The following WAC variants were observed in gnomAD, a reference collection of about 807,000 sequenced individuals.
The protein encoded by WAC is WW domain-containing adapter protein with coiled-coil.
Under a neutral mutation model 79.6 loss-of-function variants are expected in WAC, and 11 were observed. The observed-to-expected ratio is 0.14, with a 90% CI of 0.09 to 0.23. WAC has a LOEUF of 0.23. Among genes scored for constraint, WAC ranks in the 10% least tolerant of loss-of-function variants. The pLI, the probability that WAC is intolerant of heterozygous loss-of-function variation, is 1.00. For synonymous variants in WAC, 304 were observed against 276.9 expected (o/e 1.10, Z -0.97); for missense variants, 728 against 773.5 (o/e 0.94, Z 0.70).
rs1429241522 is a variant in WAC, at chr10:28,608,238, GTCT to G, written c.976_978del (p.Ser326del). The G allele has an allele frequency of 1.2e-6, 2 of 1,613,940 alleles. No homozygotes were observed. The highest frequency in any genetic ancestry group is 2.7e-5 in the African/African-American group (2 of 74,876). Reference sequence around the variant, plus strand: ...CACATTCTTGCACAACTCCTTCCACGTCTTCTGCCTCTGGACTGAACCCCACAT... The same window carrying G: ...CACATTCTTGCACAACTCCTTCCACGTCTGCCTCTGGACTGAACCCCACAT... On this transcript the variant is annotated inframe_deletion, in exon 8 of 14. Transcript: ENST00000354911.
rs571334293 is a variant in WAC at position 28,575,568 on chromosome 10, T to A, written c.275-7831T>A. ...TATTTCCCTGCAGGTTTGATTTGCA[T>A]TTCCCCAATGGCTAATGCCATTGTT... On this transcript the variant is annotated intron_variant, in intron 3 of 13. Transcript: ENST00000354911. 7.9e-5 allele frequency among the ~76,000 whole-genome samples: 12 copies of A among 152,386 alleles called. No individual in the cohort carries two copies. In the South Asian group the frequency reaches 2.5e-3, roughly 32 times the overall value.
intron 3 of WAC, among the ~76,000 whole-genome samples, chr10:28,565,206 C>T (rs181013877): frequency 9.9e-5 from 15 of 152,278 alleles, no homozygotes; most frequent in African/African-American, 2.6e-4. Flanking sequence ...TTTAACCATA[C>T]GCCATTGAAG....
At chr10:28,532,823 G>T (rs559202206), upstream of WAC, 6 of 152,988 alleles carry the variant, frequency 3.9e-5, no homozygotes, top group Non-Finnish European at 8.8e-5. Flanking sequence ...TCTTCCGGAA[G>T]GCGGCTCCCT....
intron 3 of WAC, among the ~76,000 whole-genome samples, chr10:28,539,115 A>T (rs1163856895): frequency 6.6e-6 from 1 of 152,184 alleles, no homozygotes; most frequent in Non-Finnish European, 1.5e-5. Context: ...TTACAAAGCA[A>T]GTTAAATGTG....
At chr10:28,583,906 C>A (rs1386744173) in intron 4 of WAC, among the ~76,000 whole-genome samples, 1 of 152,170 alleles carries the variant, frequency 6.6e-6, no homozygotes, top group South Asian at 2.1e-4. Context: ...TACACACTCT[C>A]CCAGACGCTA....
intron 3 of WAC, among the ~76,000 whole-genome samples, chr10:28,576,023 C>T (rs1219628155): frequency 1.3e-5 from 2 of 152,128 alleles, no homozygotes; most frequent in Non-Finnish European, 2.9e-5. Flanking sequence ...AGCCTAGGAG[C>T]AATAGGTTAT....
chr10:28,573,872 C>G (rs548924176), intron 3 of WAC, among the ~76,000 whole-genome samples: 9 of 151,958 alleles, frequency 5.9e-5, no homozygotes, highest in Non-Finnish European at 1.0e-4. Context: ...ACACCCCCCT[C>G]ACCCTCAGCT....
chr10:28,611,054 CTG>C (rs1589241333), intron 9 of WAC: 3 of 579,322 alleles, frequency 5.2e-6, no homozygotes, highest in Non-Finnish European at 5.6e-6. Context: ...GCCATCAAAT[CTG>C]TAATTATTTA....
At chr10:28,551,078 T>C (rs1399787504) in intron 3 of WAC, among the ~76,000 whole-genome samples, 1 of 152,168 alleles carries the variant, frequency 6.6e-6, no homozygotes, top group Non-Finnish European at 1.5e-5. Context: ...TTTTCCTTTC[T>C]GTAGTAAATT....
At chr10:28,548,933 C>G (rs1350312867) in intron 3 of WAC, among the ~76,000 whole-genome samples, 1 of 152,014 alleles carries the variant, frequency 6.6e-6, no homozygotes, top group Non-Finnish European at 1.5e-5. Context: ...TCCTGTCACC[C>G]AGGCTGAATG....
intron 6 of WAC, chr10:28,591,654 G>C (rs1216227882): frequency 2.0e-5 from 3 of 152,298 alleles, no homozygotes; most frequent in Admixed American, 1.3e-4. Context: ...TTGAGGCCAA[G>C]AGTTTGAGAC....
intron 8 of WAC, among the ~76,000 whole-genome samples, chr10:28,610,425 G>A (rs1026293246): frequency 6.6e-6 from 1 of 151,982 alleles, no homozygotes; most frequent in African/African-American, 2.4e-5. Flanking sequence ...GTTAAATTTT[G>A]TAGAGAGACT....
At position 28,533,509 on chromosome 10, in the gene WAC, G is replaced by C; in HGVS notation, c.-71G>C. 9.3e-7 allele frequency: 1 copy of C among 1,075,532 alleles called. No individual in the cohort carries two copies. The highest frequency in any genetic ancestry group is 1.2e-6 in the Non-Finnish European group (1 of 857,912). 66.6% of individuals were successfully genotyped at this position (1,075,532 alleles called of 1,614,324 possible). ...CTGCCCGCCGCCCGCCGCCGCCGCC[G>C]CCTGCGCGCCCGCCCGCCTTTCGCG... On this transcript the variant is annotated 5_prime_UTR_variant, in exon 1 of 14. Coordinates refer to ENST00000354911, the MANE Select transcript of WAC (RefSeq NM_016628.5).
At chr10:28,607,333 G>T (rs1209355213) in intron 7 of WAC, among the ~76,000 whole-genome samples, 1 of 152,082 alleles carries the variant, frequency 6.6e-6, no homozygotes, top group African/African-American at 2.4e-5. Flanking sequence ...GGCATGTCCT[G>T]CTGGCAGTGT....
At chr10:28,559,204 G>A (rs1288669511) in intron 3 of WAC, among the ~76,000 whole-genome samples, 1 of 150,110 alleles carries the variant, frequency 6.7e-6, no homozygotes, top group Admixed American at 6.7e-5. Flanking sequence ...TATATGAGTT[G>A]GTGATAGTGC....
intron 13 of WAC, among the ~76,000 whole-genome samples, chr10:28,619,108 G>A (rs1201244362): frequency 6.6e-6 from 1 of 152,140 alleles, no homozygotes; most frequent in Non-Finnish European, 1.5e-5. Context: ...GCAAAACCCT[G>A]TCTCTACTAA....
At chr10:28,582,834 G>A (rs1839608170) in intron 3 of WAC, among the ~76,000 whole-genome samples, 2 of 152,252 alleles carry the variant, frequency 1.3e-5, no homozygotes, top group South Asian at 2.1e-4. Flanking sequence ...GACCTGTTAG[G>A]AAAAGAGTCT....
At chr10:28,572,655 A>G (rs1839038372) in intron 3 of WAC, among the ~76,000 whole-genome samples, 2 of 152,040 alleles carry the variant, frequency 1.3e-5, no homozygotes, top group African/African-American at 4.8e-5. Context: ...TACTAAAAAT[A>G]CAAAAATTAG....
At chr10:28,604,123 T>C (rs1451170530) in intron 7 of WAC, among the ~76,000 whole-genome samples, 2 of 151,124 alleles carry the variant, frequency 1.3e-5, no homozygotes, top group African/African-American at 4.9e-5. Flanking sequence ...GTTAAATTTG[T>C]CTCTACATAG....
Sources: allele counts gnomAD v4.1 joint callset (sites outside exome capture counted in the v4.1 genomes callset), GRCh38; gene constraint gnomAD v4.1.1; transcripts MANE v1.5; gene names NCBI Gene and HGNC (gene_info 2026-07-23, HGNC 2026-07-21).